The following ARHGAP22 variants were observed in gnomAD, a reference collection of about 807,000 sequenced individuals.
ARHGAP22 encodes rho GTPase-activating protein 22.
A neutral mutation model predicts 59.1 loss-of-function variants in ARHGAP22; 48 were observed. The observed-to-expected ratio is 0.81, with a 90% confidence interval of 0.64 to 1.03. The LOEUF is 1.03. Among genes scored for constraint, ARHGAP22 ranks in the 50% least tolerant of loss-of-function variants. ARHGAP22 has a pLI of 0.00. For synonymous variants in ARHGAP22, 445 were observed against 416.4 expected (o/e 1.07, Z -0.84); for missense variants, 1,015 against 958.7 (o/e 1.06, Z -0.78).
chr10:48,450,997 C>G lies in ARHGAP22; in HGVS notation c.1132G>C (p.Asp378His). The G allele has an allele frequency of 6.4e-7, 1 of 1,559,064 alleles. No individual in the cohort carries two copies. The highest frequency in any genetic ancestry group is 1.2e-5 in the South Asian group (1 of 84,700). The change falls in exon 9 of 10, where the codon GAC (aspartate) becomes CAC (histidine). Residue 378 changes from aspartate to histidine, a missense_variant. Physicochemically the swap from Asp to His is moderately conservative, Grantham distance 81. Transcript: ENST00000249601. ...VGWGSEEVTRDSQGEPGGPGL... is the reference protein window; with the variant it reads ...VGWGSEEVTRHSQGEPGGPGL... ...GGGCCGCCGGGCTCTCCTTGGCTGT[C>G]CCTGGTGACCTCCTCGGAGCCCCAC...
intron 1 of ARHGAP22, among the ~76,000 whole-genome samples, chr10:48,610,191 C>T (rs977288171): frequency 2.6e-5 from 4 of 152,212 alleles, no homozygotes; most frequent in Non-Finnish European, 5.9e-5. Flanking sequence ...CCATGGCATA[C>T]CCTCCCTTTG....
At chr10:48,551,992 G>C (rs1204801273) in intron 3 of ARHGAP22, among the ~76,000 whole-genome samples, 2 of 152,170 alleles carry the variant, frequency 1.3e-5, no homozygotes, top group Non-Finnish European at 2.9e-5. Context: ...TGGGCAACAG[G>C]GCCTGCACTT....
chr10:48,558,240 GAAGTCATAGTACATT>G (rs1478169295), intron 2 of ARHGAP22, among the ~76,000 whole-genome samples: 6 of 152,282 alleles, frequency 3.9e-5, no homozygotes, highest in African/African-American at 1.4e-4. Flanking sequence ...CATAGTACGT[GAAGTCATAGTACATT>G]AAGTTAGGAA....
chr10:48,611,984 G>A (rs914348121), intron 1 of ARHGAP22, among the ~76,000 whole-genome samples: 2 of 148,780 alleles, frequency 1.3e-5, no homozygotes, highest in African/African-American at 5.0e-5. Flanking sequence ...CACCACACCC[G>A]GCTACTTTTT....
chr10:48,560,201 A>G (rs761306173), intron 2 of ARHGAP22, among the ~76,000 whole-genome samples: 2 of 152,142 alleles, frequency 1.3e-5, no homozygotes, highest in Non-Finnish European at 2.9e-5. Context: ...TTCTATATGA[A>G]TTTTAGAATC....
rs73300246 is a variant in ARHGAP22 at position 48,572,693 on chromosome 10, C to T, written c.234+10260G>A. On this transcript the variant is annotated intron_variant, in intron 2 of 9. Transcript: ENST00000249601. ...AAATTCCTGCCTTACCATCCATTCC[C>T]TCAAAGTGCCTGCCTTTCCGGGTCT... Among the ~76,000 whole-genome samples, 185 of 152,302 alleles carry T rather than the reference C, an allele frequency of 1.2e-3. 1 individual carries two copies. Among genetic ancestry groups the T allele is most frequent in the African/African-American group, 4.3e-3 (177 of 41,548 alleles).
intron 3 of ARHGAP22, among the ~76,000 whole-genome samples, chr10:48,498,948 G>A (rs1165768287): frequency 9.2e-5 from 14 of 151,750 alleles, no homozygotes; most frequent in Admixed American, 9.2e-4. Flanking sequence ...CTTCTTGGAG[G>A]GACATCTGAG....
chr10:48,493,304 C>T (rs1427272531), intron 3 of ARHGAP22: 1 of 993,902 alleles, frequency 1.0e-6, no homozygotes, highest in Non-Finnish European at 1.5e-6. Flanking sequence ...TCCTCCCAGT[C>T]TTCATTCATG....
intron 3 of ARHGAP22, among the ~76,000 whole-genome samples, chr10:48,497,763 C>G (rs1484653826): frequency 6.6e-6 from 1 of 152,202 alleles, no homozygotes; most frequent in Admixed American, 6.5e-5. Context: ...GCTCCTGCCA[C>G]TCGCAGCAAC....
chr10:48,461,535 T>C (rs1016145765), intron 4 of ARHGAP22, among the ~76,000 whole-genome samples: 5 of 152,024 alleles, frequency 3.3e-5, no homozygotes, highest in African/African-American at 1.2e-4. Flanking sequence ...AAATGAGGAA[T>C]AGAGGGAGAG....
chr10:48,628,027 G>A (rs1490716934), intron 1 of ARHGAP22, among the ~76,000 whole-genome samples: 2 of 152,248 alleles, frequency 1.3e-5, no homozygotes, highest in East Asian at 3.8e-4. Context: ...CTCAAAGAAA[G>A]GAGGGCAATG....
chr10:48,613,758 A>T (rs1589169435), intron 1 of ARHGAP22, among the ~76,000 whole-genome samples: 2 of 152,264 alleles, frequency 1.3e-5, no homozygotes, highest in Admixed American at 1.3e-4. Flanking sequence ...AAGGAGGACG[A>T]AAGTTTACTT....
intron 6 of ARHGAP22, 144 bp from the exon 7 acceptor site, chr10:48,454,305 C>T (rs1404414297): frequency 8.2e-6 from 6 of 735,374 alleles, no homozygotes; most frequent in Non-Finnish European, 1.4e-5. Context: ...ACCACCTCCA[C>T]CTCCCCTCAA....
upstream of ARHGAP22, among the ~76,000 whole-genome samples, chr10:48,607,323 A>C (rs975620686): frequency 1.3e-5 from 2 of 152,172 alleles, no homozygotes; most frequent in African/African-American, 4.8e-5. Flanking sequence ...CACACCCCAG[A>C]AGTCAGGCTG....
the ARHGAP22 span, chr10:48,438,349 A>G: frequency 1.3e-5 from 2 of 152,238 alleles, no homozygotes; most frequent in African/African-American, 4.8e-5. Flanking sequence ...TTTTTCCTTA[A>G]TAGCAAGAAA....
At chr10:48,430,605 A>G in the ARHGAP22 span, 1 of 152,706 alleles carries the variant, frequency 6.5e-6, no homozygotes, top group African/African-American at 2.4e-5. Flanking sequence ...AAAGATTCCC[A>G]TGGAGAAATG....
chr10:48,454,053 A>C, intron 7 of ARHGAP22, 35 bp downstream of exon 7: 1 of 1,599,732 alleles, frequency 6.3e-7, no homozygotes, highest in Non-Finnish European at 8.6e-7. Flanking sequence ...GAGCCAGTGC[A>C]GGAAAGTGTG....
At chr10:48,525,528 C>T (rs961247652) in intron 3 of ARHGAP22, among the ~76,000 whole-genome samples, 3 of 152,170 alleles carry the variant, frequency 2.0e-5, no homozygotes, top group African/African-American at 4.8e-5. Flanking sequence ...AGCCGAGATT[C>T]GGCCACTGCA....
chr10:48,496,808 T>A (rs1481022220), intron 3 of ARHGAP22, among the ~76,000 whole-genome samples: 1 of 152,182 alleles, frequency 6.6e-6, no homozygotes, highest in Admixed American at 6.5e-5. Flanking sequence ...TCTTGCCCTA[T>A]GGAGTTCACA....
Sources: gnomAD v4.1 joint callset for allele counts (sites outside exome capture counted in the v4.1 genomes callset) on GRCh38, gnomAD v4.1.1 for gene constraint, MANE v1.5 for transcripts, NCBI Gene and HGNC (gene_info 2026-07-23, HGNC 2026-07-21) for gene names.